The following ASXL2 variants were observed in gnomAD, a reference collection of about 807,000 sequenced individuals.
ASXL2 encodes ASXL transcriptional regulator 2.
A neutral mutation model predicts 122.0 loss-of-function variants in ASXL2; 23 were observed. The ratio of observed to expected loss-of-function variants is 0.19; its 90% CI spans 0.14 to 0.27. ASXL2 has a LOEUF of 0.27. Among genes scored for constraint, ASXL2 ranks in the 10% least tolerant of loss-of-function variants. The pLI is 1.00. For missense variants in ASXL2, 1,518 were observed against 1,713.8 expected, an observed-to-expected ratio of 0.89 and a Z score of 2.02; for synonymous variants, 650 against 637.0, an observed-to-expected ratio of 1.02 and a Z score of -0.31.
Position 25,744,505 on chromosome 2 carries a change from C to CTGGTCAA in ASXL2, c.1861-30_1861-29insTTGACCA. ...AAAGAAGTAGAGGGGAAAAAAACAA[C>CTGGTCAA]AGAGCTTAGTTTTCATTTGTAAGAA... On this transcript the variant is annotated intron_variant, in intron 12 of 12. Coordinates refer to ENST00000435504, the MANE Select transcript of ASXL2 (RefSeq NM_018263.6). The surrounding 1 kb of genome is among the most constrained non-coding windows in gnomAD (Gnocchi z 4.7). The CTGGTCAA allele has an allele frequency of 6.4e-7, 1 of 1,559,900 alleles. No homozygotes were observed. The highest frequency in any genetic ancestry group is 1.2e-5 in the South Asian group (1 of 84,798).
chr2:25,848,248 C>A (rs768371963), intron 1 of ASXL2, among the ~76,000 whole-genome samples: 7 of 152,154 alleles, frequency 4.6e-5, no homozygotes, highest in Non-Finnish European at 7.3e-5. Context: ...TTAATACTTT[C>A]TAATATATTC....
At chr2:25,768,699 A>G (rs2088395328) in intron 7 of ASXL2, 43 bp downstream of exon 7, 1 of 1,592,174 alleles carries the variant, frequency 6.3e-7, no homozygotes, top group East Asian at 2.2e-5. Flanking sequence ...TAAAAATACT[A>G]GGAAAAAGAA....
intron 6 of ASXL2, among the ~76,000 whole-genome samples, chr2:25,769,121 G>A (rs1429587423): frequency 1.3e-5 from 2 of 152,090 alleles, no homozygotes; most frequent in Admixed American, 6.6e-5. Context: ...TTAGAGTTTG[G>A]ATAGTTTTTG....
chr2:25,849,647 G>C (rs1446752155), intron 1 of ASXL2, among the ~76,000 whole-genome samples: 1 of 151,642 alleles, frequency 6.6e-6, no homozygotes, highest in African/African-American at 2.4e-5. Flanking sequence ...GCTAATTTTT[G>C]TATTTTTTTG....
chr2:25,789,742 T>C (rs2088804043), intron 5 of ASXL2, among the ~76,000 whole-genome samples: 1 of 152,130 alleles, frequency 6.6e-6, no homozygotes, highest in African/African-American at 2.4e-5. Context: ...ATAATGCAAA[T>C]GTTTCAAAAT....
chr2:25,747,918 T>C (rs1202292755), intron 12 of ASXL2, among the ~76,000 whole-genome samples: 1 of 152,044 alleles, frequency 6.6e-6, no homozygotes, highest in Non-Finnish European at 1.5e-5. Flanking sequence ...CCTATAACCC[T>C]AGCACTTTGG....
chr2:25,870,651 G>C (rs1202318503), intron 1 of ASXL2, among the ~76,000 whole-genome samples: 1 of 152,126 alleles, frequency 6.6e-6, no homozygotes, highest in Non-Finnish European at 1.5e-5. Flanking sequence ...TCCAGCCTGA[G>C]TGACAGAGCA....
At chr2:25,746,881 T>C (rs1245822499) in intron 12 of ASXL2, among the ~76,000 whole-genome samples, 1 of 152,162 alleles carries the variant, frequency 6.6e-6, no homozygotes, top group Admixed American at 6.5e-5. Context: ...AGAGATTCAA[T>C]CCTTTTCTTT....
At chr2:25,826,976 T>G (rs1216442415) in intron 3 of ASXL2, among the ~76,000 whole-genome samples, 1 of 150,196 alleles carries the variant, frequency 6.7e-6, no homozygotes, top group Non-Finnish European at 1.5e-5. Flanking sequence ...CATGTCTGCA[T>G]CACCACGAAC....
chr2:25,854,033 A>G (rs2089748911), intron 1 of ASXL2, among the ~76,000 whole-genome samples: 1 of 152,202 alleles, frequency 6.6e-6, no homozygotes, highest in Non-Finnish European at 1.5e-5. Context: ...TACGAAACCT[A>G]TACAGAGAGG....
intron 1 of ASXL2, among the ~76,000 whole-genome samples, chr2:25,876,468 C>T (rs1342774014): frequency 6.6e-6 from 1 of 152,162 alleles, no homozygotes; most frequent in African/African-American, 2.4e-5. Context: ...GAGTTCAAGA[C>T]TAGCCTAGCC....
chr2:25,776,762 A>T (rs992977914), intron 5 of ASXL2, among the ~76,000 whole-genome samples: 4 of 152,308 alleles, frequency 2.6e-5, no homozygotes, highest in African/African-American at 9.6e-5. Context: ...AAATCTCAAG[A>T]CTATACATTT....
chr2:25,855,653 GA>G (rs988699235), intron 1 of ASXL2, among the ~76,000 whole-genome samples: 25 of 152,046 alleles, frequency 1.6e-4, no homozygotes, highest in African/African-American at 5.5e-4. Context: ...GCGACAGAGT[GA>G]GACTCTTGTC....
chr2:25,766,826 A>G (rs933646643), intron 8 of ASXL2, among the ~76,000 whole-genome samples: 2 of 152,092 alleles, frequency 1.3e-5, no homozygotes, highest in Admixed American at 6.6e-5. Context: ...TTGAAATTTC[A>G]CTTCAAAATA....
intron 1 of ASXL2, among the ~76,000 whole-genome samples, chr2:25,872,347 A>G (rs2089968400): frequency 6.6e-6 from 1 of 152,084 alleles, no homozygotes; most frequent in Admixed American, 6.6e-5. Context: ...GCACCACCGC[A>G]CTCCAGTCTG....
intron 3 of ASXL2, among the ~76,000 whole-genome samples, chr2:25,807,305 T>C (rs2089096835): frequency 6.6e-6 from 1 of 152,210 alleles, no homozygotes; most frequent in East Asian, 1.9e-4. Flanking sequence ...TGTTGGATTC[T>C]TAGTCTATCT....
intron 1 of ASXL2, among the ~76,000 whole-genome samples, chr2:25,870,620 C>T (rs948773136): frequency 6.6e-6 from 1 of 151,882 alleles, no homozygotes; most frequent in Non-Finnish European, 1.5e-5. Context: ...TTCAGTAAGC[C>T]GTGATTGAAT....
At chr2:25,789,561 C>A (rs2088799507) in intron 5 of ASXL2, among the ~76,000 whole-genome samples, 1 of 152,090 alleles carries the variant, frequency 6.6e-6, no homozygotes, top group Admixed American at 6.5e-5. Context: ...GAAAATCCAA[C>A]AAGCTGTATA....
chr2:25,769,425 A>G (rs1023069378), intron 6 of ASXL2, among the ~76,000 whole-genome samples: 2 of 152,180 alleles, frequency 1.3e-5, no homozygotes, highest in African/African-American at 4.8e-5. Flanking sequence ...ATTTGTCCCA[A>G]TTATCAAATT....
Sources: allele counts gnomAD v4.1 joint callset (sites outside exome capture counted in the v4.1 genomes callset), GRCh38; gene constraint gnomAD v4.1.1; non-coding constraint Gnocchi (gnomAD v3.1); transcripts MANE v1.5; gene names NCBI Gene and HGNC (gene_info 2026-07-23, HGNC 2026-07-21).